The following LRP1B variants were observed in gnomAD, a reference collection of about 807,000 sequenced individuals.
LRP1B encodes low-density lipoprotein receptor-related protein 1B.
Under a neutral mutation model 556.6 loss-of-function variants are expected in LRP1B, and 217 were observed. That is an observed-to-expected ratio of 0.39 (90% CI 0.35 to 0.44). The LOEUF (loss-of-function observed/expected upper bound fraction) is 0.44. Ranked by LOEUF, LRP1B falls within the 20% of genes least tolerant of loss-of-function variation. The pLI, the probability that LRP1B is intolerant of heterozygous loss-of-function variation, is 1.00. For missense variants in LRP1B, 5,053 were observed against 5,620.8 expected (o/e 0.90, Z 3.23); for synonymous variants, 2,047 against 1,865.8 (o/e 1.10, Z -2.50).
At chr2:140,301,426 T>C (rs1683814345) in intron 83 of LRP1B, among the ~76,000 whole-genome samples, 2 of 152,086 alleles carry the variant, frequency 1.3e-5, no homozygotes, top group African/African-American at 4.8e-5. Context: ...GAAAATCTAA[T>C]ATCTTCCGAG....
intron 66 of LRP1B, among the ~76,000 whole-genome samples, chr2:140,429,499 C>G (rs948052089): frequency 2.9e-4 from 44 of 152,226 alleles, no homozygotes; most frequent in African/African-American, 6.7e-4. Context: ...GCTGTACTGC[C>G]ACAAGGCTTC....
At chr2:141,607,709 G>C (rs908136589) in intron 2 of LRP1B, among the ~76,000 whole-genome samples, 3 of 152,058 alleles carry the variant, frequency 2.0e-5, no homozygotes, top group Admixed American at 1.3e-4. Flanking sequence ...GATTGTTTGA[G>C]TTCAGGAGTT....
intron 1 of LRP1B, among the ~76,000 whole-genome samples, chr2:141,922,755 T>C (rs954319031): frequency 1.3e-5 from 2 of 152,146 alleles, no homozygotes; most frequent in East Asian, 1.9e-4. Context: ...CATATTTCAC[T>C]GAGAAGCTCA....
At chr2:141,104,940 C>G (rs1473336270) in intron 7 of LRP1B, among the ~76,000 whole-genome samples, 1 of 151,978 alleles carries the variant, frequency 6.6e-6, no homozygotes, top group Non-Finnish European at 1.5e-5. Context: ...ATCATGGACT[C>G]GAACCACTCT....
In LRP1B at chr2:141,076,098, A is replaced by G. The variant is rs967868945; in HGVS notation, c.1014-13825T>C. Among the ~76,000 whole-genome samples the G allele has an allele frequency of 5.3e-5, 8 of 152,206 alleles. 1 individual carries two copies. The highest frequency in any genetic ancestry group is 5.2e-4 in the Admixed American group (8 of 15,272). On this transcript the variant is annotated intron_variant, in intron 7 of 90. Transcript: ENST00000389484. ...AGTAAGGCAAAAGTTCTGTAAAGCA[A>G]TACTTTCTTTATGATGGTTTTATCT...
chr2:140,529,703 A>C (rs1171340650), intron 47 of LRP1B, among the ~76,000 whole-genome samples: 1 of 152,046 alleles, frequency 6.6e-6, no homozygotes, highest in African/African-American at 2.4e-5. Flanking sequence ...CAGTCTACCT[A>C]AAAGTACTTC....
At chr2:141,764,052 C>T (rs2105600687) in intron 2 of LRP1B, among the ~76,000 whole-genome samples, 1 of 152,208 alleles carries the variant, frequency 6.6e-6, no homozygotes, top group East Asian at 1.9e-4. Context: ...GTGTTCTGGA[C>T]TGAATATGTC....
intron 2 of LRP1B, among the ~76,000 whole-genome samples, chr2:141,796,691 C>T (rs887919537): frequency 4.7e-5 from 7 of 150,242 alleles, no homozygotes; most frequent in African/African-American, 1.7e-4. Context: ...ATAACAGAGA[C>T]AGCTATATTA....
intron 2 of LRP1B, among the ~76,000 whole-genome samples, chr2:141,655,121 G>A (rs1394601795): frequency 2.0e-5 from 3 of 152,084 alleles, no homozygotes; most frequent in African/African-American, 7.2e-5. Context: ...GAAGAGGGAC[G>A]GACTGAGGAG....
At chr2:141,453,241 T>TAA (rs199959905) in intron 3 of LRP1B, among the ~76,000 whole-genome samples, 7 of 150,140 alleles carry the variant, frequency 4.7e-5, no homozygotes, top group Admixed American at 4.6e-4. Flanking sequence ...CATCTCAAAA[T>TAA]AAAAAAAAAT....
chr2:141,542,146 C>A (rs1050580083), intron 2 of LRP1B, among the ~76,000 whole-genome samples: 3 of 152,014 alleles, frequency 2.0e-5, no homozygotes, highest in Admixed American at 1.3e-4. Flanking sequence ...AACCTTACAC[C>A]TTTGCAGATT....
chr2:141,210,884 T>A lies in LRP1B; in HGVS notation c.850+18299A>T, dbSNP rs1022206750. Among the ~76,000 whole-genome samples, 8 of 152,110 alleles carry A rather than the reference T, an allele frequency of 5.3e-5. 1 individual carries two copies. Among genetic ancestry groups the A allele is most frequent in the Admixed American group, 5.2e-4 (8 of 15,268 alleles). On this transcript the variant is annotated intron_variant, in intron 6 of 90. Coordinates refer to ENST00000389484, the MANE Select transcript of LRP1B (RefSeq NM_018557.3). The stretch of plus-strand genomic sequence containing the variant: ...GGCAAGTTTCAAACTTATTGATAAA[T>A]GACAATAAAAAATAGGAATAGTCTT...
intron 2 of LRP1B, among the ~76,000 whole-genome samples, chr2:141,614,080 C>CAGAAAAAAAAAAAAAAAAAAAAAAAAA (rs1553543025): frequency 2.1e-5 from 1 of 47,346 alleles, no homozygotes; most frequent in African/African-American, 8.8e-5. Flanking sequence ...AACTCAGCCT[C>CAGAAAAAAAAAAAAAAAAAAAAAAAAA]AAAAAAAAAA....
At chr2:140,303,273 G>A (rs534569038) in intron 83 of LRP1B, among the ~76,000 whole-genome samples, 3 of 151,488 alleles carry the variant, frequency 2.0e-5, no homozygotes, top group African/African-American at 7.3e-5. Context: ...TTTGAGATGG[G>A]GTCTCACTCT....
At chr2:141,137,033 T>G (rs1289720296) in intron 7 of LRP1B, among the ~76,000 whole-genome samples, 1 of 123,490 alleles carries the variant, frequency 8.1e-6, no homozygotes, top group East Asian at 2.2e-4. Context: ...TCTTTCATTA[T>G]TCGAAAAAAA....
At chr2:140,892,232 A>G (rs1693818974) in intron 23 of LRP1B, among the ~76,000 whole-genome samples, 1 of 152,194 alleles carries the variant, frequency 6.6e-6, no homozygotes, top group Non-Finnish European at 1.5e-5. Flanking sequence ...GAATCAAACA[A>G]AGGAGTAAGT....
rs1281928146 is a variant in LRP1B at position 141,924,271 on chromosome 2, G to T, written c.83-113870C>A. Among the ~76,000 whole-genome samples the T allele has an allele frequency of 2.6e-5, 4 of 152,014 alleles. No homozygotes were observed. In the East Asian group the frequency reaches 7.9e-4, roughly 30 times the overall value. ...CTGAACACCAGGAGGAGTACAGCTGGGAGTGGTCAAGGAGGAGTTTGGCTG... is the reference window on the plus strand; with the variant it reads ...CTGAACACCAGGAGGAGTACAGCTGTGAGTGGTCAAGGAGGAGTTTGGCTG... On this transcript the variant is annotated intron_variant, in intron 1 of 90. Transcript: ENST00000389484.
intron 2 of LRP1B, among the ~76,000 whole-genome samples, chr2:141,632,378 T>C (rs543380042): frequency 1.3e-5 from 2 of 152,316 alleles, no homozygotes; most frequent in South Asian, 4.1e-4. Context: ...CTTAATGAAA[T>C]GCATAGATGC....
intron 43 of LRP1B, among the ~76,000 whole-genome samples, chr2:140,557,589 T>C (rs1680779840): frequency 6.6e-6 from 1 of 152,106 alleles, no homozygotes; most frequent in Admixed American, 6.6e-5. Flanking sequence ...TTATCTACTG[T>C]GCTCCCCTAT....
Sources: gnomAD v4.1 joint callset for allele counts (sites outside exome capture counted in the v4.1 genomes callset) on GRCh38, gnomAD v4.1.1 for gene constraint, MANE v1.5 for transcripts, NCBI Gene and HGNC (gene_info 2026-07-23, HGNC 2026-07-21) for gene names.